LHFPL3: variants seen among roughly 807,000 people sequenced by gnomAD.
LHFPL3 encodes LHFPL tetraspan subfamily member 3.
A neutral mutation model predicts 19.3 loss-of-function variants in LHFPL3; 5 were observed. The observed-to-expected ratio is 0.26, with a 90% CI of 0.14 to 0.54. LHFPL3 has a LOEUF of 0.54. Among genes scored for constraint, LHFPL3 ranks in the 20% least tolerant of loss-of-function variants. The pLI, the probability that LHFPL3 is intolerant of heterozygous loss-of-function variation, is 0.94. For synonymous variants in LHFPL3, 133 were observed against 126.2 expected (o/e 1.05, Z -0.36); for missense variants, 249 against 307.4 (o/e 0.81, Z 1.42).
At chr7:104,867,179 G>A (rs1791741825) in intron 2 of LHFPL3, among the ~76,000 whole-genome samples, 2 of 152,118 alleles carry the variant, frequency 1.3e-5, no homozygotes, top group South Asian at 4.1e-4. Context: ...AGAGAAGCAA[G>A]AGCAAGCACA....
chr7:104,435,560 A>AT lies in LHFPL3; in HGVS notation c.445+106350dup, dbSNP rs35738483. On this transcript the variant is annotated intron_variant, in intron 1 of 2. Coordinates refer to ENST00000424859, the MANE Select transcript of LHFPL3 (RefSeq NM_199000.3). Reference sequence around the variant, plus strand: ...ATGACTTTTATATTTTTCTTTCTAGATTTTTTTTTTTTTTACTTTTATCAC... The same window carrying AT: ...ATGACTTTTATATTTTTCTTTCTAGATTTTTTTTTTTTTTTACTTTTATCAC... Among the ~76,000 whole-genome samples, 1,419 of 143,946 alleles carry AT rather than the reference A, an allele frequency of 9.9e-3. 16 individuals carry two copies. Among genetic ancestry groups the AT allele is most frequent in the African/African-American group, 0.03 (1,188 of 39,526 alleles). 94.4% of individuals were successfully genotyped at this position (143,946 alleles called of 152,430 possible). A position where few individuals can be genotyped will look rare whatever the true frequency, so the allele number is the denominator to read the frequency against.
At chr7:104,809,968 T>C (rs1224937795) in intron 2 of LHFPL3, among the ~76,000 whole-genome samples, 1 of 152,178 alleles carries the variant, frequency 6.6e-6, no homozygotes, top group African/African-American at 2.4e-5. Context: ...AAGATGCAAA[T>C]GCAGGCTGTA....
intron 2 of LHFPL3, among the ~76,000 whole-genome samples, chr7:104,777,721 C>T (rs1794656351): frequency 2.0e-5 from 3 of 152,052 alleles, no homozygotes; most frequent in African/African-American, 7.2e-5. Context: ...TCTGGCTGTA[C>T]AATGCTCGGT....
rs145711515 is a variant in LHFPL3 at position 104,812,551 on chromosome 7, G to A, written c.682+75640G>A. ...CAGGTGGCTCATGCCTGTAATCCCA[G>A]CACTTTGGAAGGCATAACTGGGCAG... On this transcript the variant is annotated intron_variant, in intron 2 of 2. Coordinates refer to ENST00000424859, the MANE Select transcript of LHFPL3 (RefSeq NM_199000.3). Among the ~76,000 whole-genome samples the A allele has an allele frequency of 4.9e-3, 747 of 151,990 alleles. 4 individuals carry two copies. The highest frequency in any genetic ancestry group is 0.017 in the African/African-American group (716 of 41,442).
At chr7:104,449,957 TG>T (rs1792402216) in intron 1 of LHFPL3, among the ~76,000 whole-genome samples, 1 of 152,218 alleles carries the variant, frequency 6.6e-6, no homozygotes, top group Admixed American at 6.5e-5. Context: ...CACACTTCAG[TG>T]GCTTTCCCCA....
At position 104,602,020 on chromosome 7, in the gene LHFPL3, CTTTTT is replaced by C. The variant is rs57501560; in HGVS notation, c.446-134639_446-134635del. ...TAGCAATTTATTTTCTTTTTCTTTT[CTTTTT>C]TTTTTTTTTTTTTTTCTGACAGCCT... is the stretch of plus-strand genomic sequence containing the variant. On this transcript the variant is annotated intron_variant, in intron 1 of 2. Coordinates refer to ENST00000424859, the MANE Select transcript of LHFPL3 (RefSeq NM_199000.3). Among the ~76,000 whole-genome samples, 588 of 91,458 alleles carry C rather than the reference CTTTTT, an allele frequency of 6.4e-3. 3 individuals are homozygous for C. Among genetic ancestry groups the C allele is most frequent in the African/African-American group, 0.023 (536 of 23,070 alleles). The allele number at this position is 91,458 out of a possible 152,430, so 60.0% of individuals were successfully genotyped here.
At chr7:104,845,937 G>A in intron 2 of LHFPL3, among the ~76,000 whole-genome samples, 1 of 152,212 alleles carries the variant, frequency 6.6e-6, no homozygotes, top group East Asian at 1.9e-4. Context: ...CCAAGTAACA[G>A]GGCTAAAATG....
intron 1 of LHFPL3, among the ~76,000 whole-genome samples, chr7:104,718,964 C>G (rs892730905): frequency 3.3e-5 from 5 of 152,130 alleles, no homozygotes; most frequent in African/African-American, 1.2e-4. Flanking sequence ...GAATTATGCT[C>G]TTTTCTTCTC....
At chr7:104,401,033 G>A (rs73403858) in intron 1 of LHFPL3, among the ~76,000 whole-genome samples, 6,198 of 152,270 alleles carry the variant, frequency 0.041, 436 homozygotes, top group African/African-American at 0.14. Flanking sequence ...TTGTTTGTCA[G>A]CTATAAGGAA....
At chr7:104,435,537 G>T (rs1584318472) in intron 1 of LHFPL3, among the ~76,000 whole-genome samples, 1 of 147,784 alleles carries the variant, frequency 6.8e-6, no homozygotes, top group Non-Finnish European at 1.5e-5. Flanking sequence ...TTTATAAAAT[G>T]ACTTTTATAT....
At chr7:104,422,006 C>G (rs574775308) in intron 1 of LHFPL3, among the ~76,000 whole-genome samples, 2 of 152,172 alleles carry the variant, frequency 1.3e-5, no homozygotes, top group Non-Finnish European at 2.9e-5. Context: ...CAAAACGGCC[C>G]TTACCAGAAC....
At chr7:104,376,721 C>T (rs1302007004) in intron 1 of LHFPL3, among the ~76,000 whole-genome samples, 1 of 152,170 alleles carries the variant, frequency 6.6e-6, no homozygotes, top group South Asian at 2.1e-4. Context: ...GGGCCAGGCT[C>T]TATTACTCTG....
chr7:104,409,831 G>A (rs984074767), intron 1 of LHFPL3, among the ~76,000 whole-genome samples: 1 of 151,958 alleles, frequency 6.6e-6, no homozygotes, highest in Non-Finnish European at 1.5e-5. Context: ...CCTAGAAATG[G>A]AATAAGCTCT....
intron 1 of LHFPL3, among the ~76,000 whole-genome samples, chr7:104,473,569 C>A (rs548994402): frequency 6.6e-6 from 1 of 152,300 alleles, no homozygotes; most frequent in South Asian, 2.1e-4. Context: ...AAAATTTGGG[C>A]TCTGGGAGTC....
intron 1 of LHFPL3, among the ~76,000 whole-genome samples, chr7:104,432,868 A>C (rs998954491): frequency 1.3e-5 from 2 of 152,028 alleles, no homozygotes; most frequent in African/African-American, 4.8e-5. Context: ...CCTGTGTTTT[A>C]GCCTTAATCT....
intron 1 of LHFPL3, among the ~76,000 whole-genome samples, chr7:104,425,280 G>C (rs937012740): frequency 6.6e-6 from 1 of 152,144 alleles, no homozygotes. Context: ...AATGACAAAG[G>C]AGGTTTATAT....
At chr7:104,538,226 G>GT (rs1212390423) in intron 1 of LHFPL3, among the ~76,000 whole-genome samples, 1 of 152,182 alleles carries the variant, frequency 6.6e-6, no homozygotes, top group Non-Finnish European at 1.5e-5. Context: ...TCTGAGCACT[G>GT]TAACAGCTAA....
intron 1 of LHFPL3, among the ~76,000 whole-genome samples, chr7:104,623,345 A>C (rs1202700831): frequency 2.0e-5 from 3 of 152,124 alleles, no homozygotes; most frequent in Non-Finnish European, 4.4e-5. Flanking sequence ...AGAGATCTTC[A>C]AAGGCTGGGT....
chr7:104,501,030 C>T (rs1056057725), intron 1 of LHFPL3, among the ~76,000 whole-genome samples: 2 of 152,096 alleles, frequency 1.3e-5, no homozygotes, highest in East Asian at 1.9e-4. Flanking sequence ...TATATTGCAA[C>T]TTGGTATTTA....
Sources: allele counts gnomAD v4.1 joint callset (sites outside exome capture counted in the v4.1 genomes callset), GRCh38; gene constraint gnomAD v4.1.1; transcripts MANE v1.5; gene names NCBI Gene and HGNC (gene_info 2026-07-23, HGNC 2026-07-21).